The following PDSS1 variants were observed in gnomAD, a reference collection of about 807,000 sequenced individuals.
PDSS1 encodes decaprenyl diphosphate synthase subunit 1.
In PDSS1, 43 loss-of-function variants were observed where a neutral mutation model predicts 57.5. That is an observed-to-expected ratio of 0.75 (90% CI 0.59 to 0.96). The LOEUF (loss-of-function observed/expected upper bound fraction) is 0.96, where lower values mean the gene tolerates loss of function less well. PDSS1 is among the 50% of genes least tolerant of loss of function. The pLI is 0.00. For synonymous variants in PDSS1, 175 were observed against 191.3 expected (o/e 0.91, Z 0.70); for missense variants, 438 against 527.8 (o/e 0.83, Z 1.67).
intron 6 of PDSS1, among the ~76,000 whole-genome samples, chr10:26,721,423 T>TATACACACACACACACACAC (rs10645608): frequency 8.0e-5 from 12 of 149,266 alleles, no homozygotes; most frequent in East Asian, 2.0e-4. Flanking sequence ...GATATATGTA[T>TATACACACACACACACACAC]ACACACACAC....
intron 1 of PDSS1, among the ~76,000 whole-genome samples, chr10:26,699,689 G>T (rs1035653085): frequency 6.6e-6 from 1 of 152,066 alleles, no homozygotes; most frequent in South Asian, 2.1e-4. Context: ...GAGCCACCAC[G>T]CCTGGCCTGA....
intron 1 of PDSS1, among the ~76,000 whole-genome samples, chr10:26,701,673 G>T (rs755245777): frequency 1.3e-5 from 2 of 152,230 alleles, no homozygotes; most frequent in Non-Finnish European, 2.9e-5. Context: ...GTCTGCTGAA[G>T]GGGGGAGAAC....
At chr10:26,714,983 A>G (rs904251538) in intron 5 of PDSS1, 3 of 152,250 alleles carry the variant, frequency 2.0e-5, no homozygotes, top group African/African-American at 7.2e-5. Context: ...ACAGCCATTT[A>G]GCACTGACTG....
At chr10:26,732,868 C>T (rs1202708803) in intron 8 of PDSS1, among the ~76,000 whole-genome samples, 1 of 152,126 alleles carries the variant, frequency 6.6e-6, no homozygotes, top group African/African-American at 2.4e-5. Flanking sequence ...CGCCTGTAAT[C>T]CCAGCACTTT....
chr10:26,723,847 A>G lies in PDSS1; in HGVS notation c.651A>G (p.Ile217Met), dbSNP rs1205192026. 2 of 1,613,592 alleles carry G rather than the reference A, an allele frequency of 1.2e-6. No individual in the cohort carries two copies. The highest frequency in any genetic ancestry group is 1.3e-5 in the African/African-American group (1 of 75,020). ...AGDLILSAAS[I>M]ALARIGNTTV... ...ATTTAATTCTTTCTGCAGCATCTATAGCTCTGGCACGAATTGGAAATACAA... is the reference window on the plus strand; with the variant it reads ...ATTTAATTCTTTCTGCAGCATCTATGGCTCTGGCACGAATTGGAAATACAA... Residue 217 changes from isoleucine (I) to methionine (M), a missense_variant, in exon 7 of 12, where the codon ATA becomes ATG. Coordinates refer to ENST00000376215, the MANE Select transcript of PDSS1 (RefSeq NM_014317.5).
chr10:26,729,883 AAATG>A (rs1439813565), intron 8 of PDSS1, among the ~76,000 whole-genome samples: 3 of 151,054 alleles, frequency 2.0e-5, no homozygotes, highest in Non-Finnish European at 4.4e-5. Flanking sequence ...CCTCCAGCAT[AAATG>A]GGTTAATAGT....
intron 10 of PDSS1, among the ~76,000 whole-genome samples, chr10:26,739,922 G>T (rs1306351262): frequency 6.6e-6 from 1 of 152,158 alleles, no homozygotes; most frequent in East Asian, 1.9e-4. Flanking sequence ...GAGGTGGGCA[G>T]ATCACGAGGT....
In PDSS1 at chr10:26,720,342, A is replaced by G. The variant is rs1408544618; in HGVS notation, c.592A>G (p.Ile198Val). 12 of 1,612,134 alleles carry G rather than the reference A, an allele frequency of 7.4e-6. No homozygotes were observed. Among genetic ancestry groups the G allele is most frequent in the South Asian group, 6.6e-5 (6 of 91,066 alleles). The change falls in exon 6 of 12, where the codon ATC (isoleucine) becomes GTC (valine). Residue 198 changes from isoleucine (I) to valine (V), a missense_variant. By Grantham distance (29) the Ile-to-Val change is conservative. Coordinates refer to ENST00000376215, the MANE Select transcript of PDSS1 (RefSeq NM_014317.5). ...SRRGKHTVNK[I>V]WGEKKAVLAG... ...AAGAGGAAAACACACAGTTAATAAGATCTGGGGTGAAAAGAAGGTATGGTT... is the reference window on the plus strand; with the variant it reads ...AAGAGGAAAACACACAGTTAATAAGGTCTGGGGTGAAAAGAAGGTATGGTT...
At chr10:26,743,832 A>C (rs1435959422) in intron 11 of PDSS1, among the ~76,000 whole-genome samples, 1 of 152,222 alleles carries the variant, frequency 6.6e-6, no homozygotes, top group African/African-American at 2.4e-5. Flanking sequence ...ATATGAATAG[A>C]CAACTCAGGG....
At chr10:26,725,517 G>GTT (rs58406193) in intron 8 of PDSS1, among the ~76,000 whole-genome samples, 9 of 149,104 alleles carry the variant, frequency 6.0e-5, no homozygotes, top group African/African-American at 2.2e-4. Context: ...AATTATGTGG[G>GTT]TTTTTTTTTT....
chr10:26,701,150 T>C (rs955335845), intron 1 of PDSS1, among the ~76,000 whole-genome samples: 4 of 152,178 alleles, frequency 2.6e-5, no homozygotes, highest in African/African-American at 9.7e-5. Flanking sequence ...TGTGGAACTT[T>C]GAGCCTGAGA....
chr10:26,734,770 A>G (rs1479424154), intron 8 of PDSS1: 3 of 456,304 alleles, frequency 6.6e-6, no homozygotes, highest in African/African-American at 4.0e-5. Context: ...AGATGGGAAA[A>G]TTGTGTGTGA....
At chr10:26,735,438 C>T (rs1273872582) in intron 9 of PDSS1, 28 bp from the exon 10 acceptor site, 1 of 1,480,522 alleles carries the variant, frequency 6.8e-7, no homozygotes, top group African/African-American at 1.4e-5. Context: ...TGGCGGTGCT[C>T]CTTACATCCC....
At chr10:26,716,280 T>G (rs76714443) in intron 5 of PDSS1, among the ~76,000 whole-genome samples, 3,470 of 152,290 alleles carry the variant, frequency 0.023, 132 homozygotes, top group African/African-American at 0.078. Context: ...ACATTTTATA[T>G]TAGTATGAAC....
rs1313228336 is a variant in PDSS1, at chr10:26,709,870, C to T, written c.467+102C>T. On this transcript the variant is annotated intron_variant, in intron 5 of 11. Transcript: ENST00000376215. ...TTCCCATTTAAGAATTAGCATATAC[C>T]GGCTGGGCATGGTGGCTCATGCCTA... is the stretch of plus-strand genomic sequence containing the variant. The T allele has an allele frequency of 1.4e-5, 18 of 1,287,464 alleles. 1 individual carries two copies. The highest frequency in any genetic ancestry group is 1.4e-4 in the Admixed American group (8 of 58,004). The allele number at this position is 1,287,464 out of a possible 1,614,324, so 79.8% of individuals were successfully genotyped here. A position where few individuals can be genotyped will look rare whatever the true frequency, so the allele number is the denominator to read the frequency against.
chr10:26,726,413 T>C (rs1835949054), intron 8 of PDSS1, among the ~76,000 whole-genome samples: 1 of 152,216 alleles, frequency 6.6e-6, no homozygotes, highest in Non-Finnish European at 1.5e-5. Flanking sequence ...AAAGTTTCTA[T>C]ATTTAAGTGC....
In PDSS1 at chr10:26,735,240, G is replaced by A. The variant is rs778411730; in HGVS notation, c.832G>A (p.Val278Ile). The change falls in exon 9 of 12, where the codon GTC becomes ATC. Residue 278 changes from valine (V) to isoleucine (I), a missense_variant and splice_region_variant. Val to Ile is a conservative substitution (Grantham distance 29). Coordinates refer to ENST00000376215, the MANE Select transcript of PDSS1 (RefSeq NM_014317.5). The stretch of plus-strand genomic sequence containing the variant: ...TCTCAGAATGCTCTTTCTGTTTCAG[G>A]TCTCTGTTCTAGGATGTCCCGACCC... ...ASLIANSCKAVSVLGCPDPVV... is the reference protein window; with the variant it reads ...ASLIANSCKAISVLGCPDPVV... The A allele has an allele frequency of 1.4e-5, 22 of 1,610,754 alleles. No homozygotes were observed. The highest frequency in any genetic ancestry group is 1.9e-5 in the Non-Finnish European group (22 of 1,176,946).
rs1237280591 is a variant in PDSS1 at position 26,712,098 on chromosome 10, T to A, written c.467+2330T>A. On this transcript the variant is annotated intron_variant, in intron 5 of 11. Transcript: ENST00000376215. ...CTCACTGCAACTTCCACCTCCTGGG[T>A]TCAAGCAATTCTCCTGCCTCAGCCT... 3.4e-5 allele frequency among the ~76,000 whole-genome samples: 3 copies of A among 89,368 alleles called. 1 individual carries two copies. 58.6% of individuals were successfully genotyped at this position (89,368 alleles called of 152,430 possible).
chr10:26,713,299 C>T (rs1400636371), intron 5 of PDSS1, among the ~76,000 whole-genome samples: 1 of 151,816 alleles, frequency 6.6e-6, no homozygotes, highest in African/African-American at 2.4e-5. Context: ...TCAAAAAAAC[C>T]AAACAAAACA....
Sources: gnomAD v4.1 joint callset for allele counts (sites outside exome capture counted in the v4.1 genomes callset) on GRCh38, gnomAD v4.1.1 for gene constraint, MANE v1.5 for transcripts, NCBI Gene and HGNC (gene_info 2026-07-23, HGNC 2026-07-21) for gene names.